The following HS3ST5 variants were observed in gnomAD, a reference collection of about 807,000 sequenced individuals.
HS3ST5 encodes the protein heparan sulfate glucosamine 3-O-sulfotransferase 5.
A neutral mutation model predicts 25.4 loss-of-function variants in HS3ST5; 10 were observed. That is an observed-to-expected ratio of 0.39 (90% CI 0.24 to 0.67). The LOEUF (loss-of-function observed/expected upper bound fraction) is 0.67, where lower values mean the gene tolerates loss of function less well. Ranked by LOEUF, HS3ST5 falls within the 30% of genes least tolerant of loss-of-function variation. HS3ST5 has a pLI of 0.44. For missense variants in HS3ST5, 324 were observed against 420.7 expected, an observed-to-expected ratio of 0.77 and a Z score of 2.01; for synonymous variants, 170 against 162.4, an observed-to-expected ratio of 1.05 and a Z score of -0.36.
At chr6:114,183,626 C>G (rs1396756384) in intron 2 of HS3ST5, among the ~76,000 whole-genome samples, 1 of 152,068 alleles carries the variant, frequency 6.6e-6, no homozygotes, top group Non-Finnish European at 1.5e-5. Flanking sequence ...GTAACAAACA[C>G]CTACAAATGT....
chr6:114,144,081 T>A (rs993106456), intron 3 of HS3ST5, among the ~76,000 whole-genome samples: 9 of 152,200 alleles, frequency 5.9e-5, no homozygotes, highest in Non-Finnish European at 1.5e-5. Flanking sequence ...GCAGGCAGTG[T>A]AAATGCAGTC....
At chr6:114,307,340 A>G (rs1038209555) in intron 1 of HS3ST5, among the ~76,000 whole-genome samples, 4 of 150,178 alleles carry the variant, frequency 2.7e-5, no homozygotes, top group Admixed American at 1.3e-4. Flanking sequence ...AAGTATGTAT[A>G]GCACAAATAT....
chr6:114,274,430 G>A (rs751995943), intron 1 of HS3ST5, among the ~76,000 whole-genome samples: 10 of 152,130 alleles, frequency 6.6e-5, no homozygotes, highest in Non-Finnish European at 1.0e-4. Context: ...AGAAAGGTTG[G>A]TCTGCAAGGG....
chr6:114,115,563 C>T (rs774210486), intron 3 of HS3ST5, among the ~76,000 whole-genome samples: 12 of 151,420 alleles, frequency 7.9e-5, no homozygotes, highest in East Asian at 1.9e-4. Context: ...CCCACTGGCC[C>T]GAAAATCTTG....
chr6:114,262,776 G>A (rs947439897), intron 1 of HS3ST5, among the ~76,000 whole-genome samples: 10 of 152,062 alleles, frequency 6.6e-5, no homozygotes, highest in South Asian at 2.1e-4. Context: ...TGGAATGCAT[G>A]GGAGACTATG....
At chr6:114,062,656 G>T (rs111626154) in intron 4 of HS3ST5, 83 bp downstream of exon 4, 125 of 827,606 alleles carry the variant, frequency 1.5e-4, no homozygotes, top group Non-Finnish European at 2.3e-4. Flanking sequence ...AAAACAAGTG[G>T]ATAGACTTAA....
chr6:114,274,742 A>G (rs893784375), intron 1 of HS3ST5, among the ~76,000 whole-genome samples: 2 of 152,050 alleles, frequency 1.3e-5, no homozygotes, highest in Non-Finnish European at 2.9e-5. Context: ...TATGGCTTTA[A>G]GAGTGGTTGC....
intron 3 of HS3ST5, among the ~76,000 whole-genome samples, chr6:114,126,179 G>T (rs1158051530): frequency 6.6e-6 from 1 of 152,066 alleles, no homozygotes; most frequent in Non-Finnish European, 1.5e-5. Context: ...CACATTCTAC[G>T]CAAGCAAAGA....
At chr6:114,162,741 G>A (rs901821793) in intron 3 of HS3ST5, among the ~76,000 whole-genome samples, 2 of 152,126 alleles carry the variant, frequency 1.3e-5, no homozygotes, top group Admixed American at 6.6e-5. Flanking sequence ...ACATGCACCT[G>A]CCTGACCAGT....
intron 3 of HS3ST5, among the ~76,000 whole-genome samples, chr6:114,143,184 T>C (rs889819125): frequency 1.3e-5 from 2 of 152,232 alleles, no homozygotes; most frequent in African/African-American, 4.8e-5. Flanking sequence ...GTTCTATGCC[T>C]TGGTTTTCTC....
rs1371437171 is a variant in HS3ST5 at position 114,262,191 on chromosome 6, G to A, written c.-338-33413C>T. Among the ~76,000 whole-genome samples, 4 of 152,112 alleles carry A rather than the reference G, an allele frequency of 2.6e-5. 1 individual carries two copies. The highest frequency in any genetic ancestry group is 9.7e-5 in the African/African-American group (4 of 41,406). ...AATCTATGAATTGAACTGGAATTCT[G>A]CTCTAAGAAATGACAACTTTGTATC... On this transcript the variant is annotated intron_variant, in intron 1 of 4. Coordinates refer to ENST00000312719, the MANE Select transcript of HS3ST5 (RefSeq NM_153612.4).
chr6:114,292,870 G>T (rs1386595851), intron 1 of HS3ST5, among the ~76,000 whole-genome samples: 1 of 151,712 alleles, frequency 6.6e-6, no homozygotes, highest in Non-Finnish European at 1.5e-5. Context: ...TAATGTAAAT[G>T]CTATATAAAT....
intron 3 of HS3ST5, among the ~76,000 whole-genome samples, chr6:114,097,873 A>G (rs1275120532): frequency 6.6e-6 from 1 of 152,052 alleles, no homozygotes; most frequent in Non-Finnish European, 1.5e-5. Context: ...CTAAAGGACA[A>G]AAATGGAGTA....
chr6:114,186,308 C>T (rs2114264952), intron 2 of HS3ST5, among the ~76,000 whole-genome samples: 1 of 152,006 alleles, frequency 6.6e-6, no homozygotes, highest in South Asian at 2.1e-4. Flanking sequence ...GTTGTGCAAG[C>T]AAAGCAAAAA....
chr6:114,215,158 T>A (rs1781693513), intron 2 of HS3ST5, among the ~76,000 whole-genome samples: 1 of 151,354 alleles, frequency 6.6e-6, no homozygotes, highest in African/African-American at 2.4e-5. Flanking sequence ...TACAAAAAAT[T>A]AGCCAGGCGT....
chr6:114,145,477 A>G lies in HS3ST5; in HGVS notation c.-33+22874T>C, dbSNP rs533460044. ...AATGAGAATGTCGGGTTTGGGAGAGACAGGTCCCCAAACCAGAGGAATGAC... is the reference window on the plus strand; with the variant it reads ...AATGAGAATGTCGGGTTTGGGAGAGGCAGGTCCCCAAACCAGAGGAATGAC... On this transcript the variant is annotated intron_variant, in intron 3 of 4. Coordinates refer to ENST00000312719, the MANE Select transcript of HS3ST5 (RefSeq NM_153612.4). 2.0e-5 allele frequency among the ~76,000 whole-genome samples: 3 copies of G among 152,288 alleles called. No homozygotes were observed. The East Asian group carries it at 5.8e-4, about 29-fold the overall frequency.
chr6:114,291,861 C>G (rs1411614456), intron 1 of HS3ST5, among the ~76,000 whole-genome samples: 1 of 152,088 alleles, frequency 6.6e-6, no homozygotes, highest in African/African-American at 2.4e-5. Flanking sequence ...TGTTTTTTCA[C>G]ACGTAAGAGA....
chr6:114,186,854 T>C (rs1458388061), intron 2 of HS3ST5, among the ~76,000 whole-genome samples: 3 of 152,228 alleles, frequency 2.0e-5, no homozygotes, highest in African/African-American at 7.2e-5. Context: ...TAGTAGCTGA[T>C]GACTTTATAC....
chr6:114,071,784 C>T (rs949526543), intron 3 of HS3ST5, among the ~76,000 whole-genome samples: 5 of 152,074 alleles, frequency 3.3e-5, no homozygotes, highest in East Asian at 1.9e-4. Flanking sequence ...TGAAAAAAAT[C>T]GAATACTCAT....
Sources: allele counts gnomAD v4.1 joint callset (sites outside exome capture counted in the v4.1 genomes callset), GRCh38; gene constraint gnomAD v4.1.1; transcripts MANE v1.5; gene names NCBI Gene and HGNC (gene_info 2026-07-23, HGNC 2026-07-21).